The following INSR variants were observed in gnomAD, a reference collection of about 807,000 sequenced individuals.
INSR encodes IR.
In INSR, 67 loss-of-function variants were observed where a neutral mutation model predicts 142.6. That is an observed-to-expected ratio of 0.47 (90% CI 0.39 to 0.58). The LOEUF (loss-of-function observed/expected upper bound fraction) is 0.58. INSR is among the 20% of genes least tolerant of loss of function. The probability of loss-of-function intolerance (pLI) is 0.00; values close to 1 mark genes in which losing one functional copy is unlikely to be tolerated. For missense variants in INSR, 1,248 were observed against 1,833.2 expected (o/e 0.68, Z 5.83); for synonymous variants, 756 against 743.1 (o/e 1.02, Z -0.28).
At chr19:7,152,533 T>C (rs1360793732) in intron 10 of INSR, 193 bp downstream of exon 10, 66 of 663,058 alleles carry the variant, frequency 1.0e-4, no homozygotes, top group Non-Finnish European at 1.8e-4. Flanking sequence ...TTATTTGCTC[T>C]TCCTGATAAA....
At chr19:7,133,706 T>G (rs1972839599) in intron 13 of INSR, among the ~76,000 whole-genome samples, 2 of 152,032 alleles carry the variant, frequency 1.3e-5, no homozygotes, top group African/African-American at 4.8e-5. Flanking sequence ...CTACCCAAAA[T>G]ACAAAAATTA....
intron 2 of INSR, among the ~76,000 whole-genome samples, chr19:7,220,424 G>C (rs565013895): frequency 1.3e-5 from 2 of 152,284 alleles, no homozygotes; most frequent in South Asian, 4.1e-4. Context: ...CCGAGGAGCT[G>C]GGGCTACAGG....
chr19:7,172,098 G>C (rs1326027092), intron 5 of INSR, among the ~76,000 whole-genome samples, 192 bp downstream of exon 5: 1 of 151,908 alleles, frequency 6.6e-6, no homozygotes, highest in African/African-American at 2.4e-5. Context: ...TTTTAGTAGA[G>C]ACAGGGTTTC....
chr19:7,287,221 G>A (rs1382469494), intron 1 of INSR, among the ~76,000 whole-genome samples: 9 of 146,196 alleles, frequency 6.2e-5, no homozygotes, highest in South Asian at 2.2e-4. Flanking sequence ...GTGCAGTGGC[G>A]CAATCTCGGC....
intron 3 of INSR, among the ~76,000 whole-genome samples, chr19:7,177,068 C>T (rs983732643): frequency 2.6e-5 from 4 of 152,198 alleles, no homozygotes; most frequent in Non-Finnish European, 4.4e-5. Context: ...TGCCATCAAA[C>T]TCACAGCCCC....
chr19:7,263,236 A>AG, intron 2 of INSR, among the ~76,000 whole-genome samples: 1 of 151,956 alleles, frequency 6.6e-6, no homozygotes, highest in Admixed American at 6.6e-5. Context: ...CTGAGATCAC[A>AG]CCACTGCCCC....
chr19:7,221,564 C>T (rs1343338607), intron 2 of INSR, among the ~76,000 whole-genome samples: 3 of 152,078 alleles, frequency 2.0e-5, no homozygotes, highest in Admixed American at 6.6e-5. Context: ...AAAAATGAGC[C>T]GGTTGTGGTG....
chr19:7,175,252 G>A (rs902890500), intron 3 of INSR, among the ~76,000 whole-genome samples: 2 of 152,126 alleles, frequency 1.3e-5, no homozygotes, highest in African/African-American at 4.8e-5. Flanking sequence ...GGTGGCTCCT[G>A]CCTGTCATTC....
intron 3 of INSR, among the ~76,000 whole-genome samples, chr19:7,181,736 AT>A (rs1031303409): frequency 1.3e-5 from 2 of 148,670 alleles, no homozygotes; most frequent in Non-Finnish European, 1.5e-5. Flanking sequence ...TGCCCAGCTA[AT>A]TTTTTTTTTG....
At chr19:7,204,941 G>A (rs533527016) in intron 2 of INSR, among the ~76,000 whole-genome samples, 12 of 152,284 alleles carry the variant, frequency 7.9e-5, no homozygotes, top group African/African-American at 2.9e-4. Context: ...AAAATTAGCC[G>A]GGCATGGTGG....
chr19:7,259,430 G>T (rs1473195491), intron 2 of INSR, among the ~76,000 whole-genome samples: 1 of 152,120 alleles, frequency 6.6e-6, no homozygotes, highest in Non-Finnish European at 1.5e-5. Context: ...AAATAAGATT[G>T]TTGGGAAGAT....
intron 21 of INSR, among the ~76,000 whole-genome samples, chr19:7,118,322 C>G (rs1972388231): frequency 6.6e-6 from 1 of 151,436 alleles, no homozygotes; most frequent in African/African-American, 2.4e-5. Context: ...TTTTGTGTGT[C>G]TGTGTTTGTT....
chr19:7,200,016 C>T (rs989983546), intron 2 of INSR, among the ~76,000 whole-genome samples: 4 of 152,016 alleles, frequency 2.6e-5, no homozygotes, highest in African/African-American at 7.2e-5. Context: ...GTGAATCACT[C>T]GGGCTATGTT....
intron 2 of INSR, among the ~76,000 whole-genome samples, chr19:7,231,054 T>C (rs1271581542): frequency 6.6e-6 from 1 of 152,168 alleles, no homozygotes; most frequent in Non-Finnish European, 1.5e-5. Context: ...GCCAACTCCC[T>C]TGGCCAGAGC....
At chr19:7,151,164 CTTTCTTTCTTTCTTT>C (rs1973338555) in intron 10 of INSR, among the ~76,000 whole-genome samples, 1 of 5,052 alleles carries the variant, frequency 2.0e-4, no homozygotes, top group African/African-American at 3.1e-4. Context: ...CTTTCTTTCT[CTTTCTTTCTTTCTTT>C]CTTTCTTTCT....
chr19:7,275,169 T>C (rs1968028803), intron 1 of INSR, among the ~76,000 whole-genome samples: 1 of 151,928 alleles, frequency 6.6e-6, no homozygotes, highest in Admixed American at 6.6e-5. Flanking sequence ...GAGACAAGGT[T>C]TCACCATGTT....
At chr19:7,155,823 A>T (rs1973575704) in intron 9 of INSR, among the ~76,000 whole-genome samples, 1 of 151,438 alleles carries the variant, frequency 6.6e-6, no homozygotes, top group Non-Finnish European at 1.5e-5. Context: ...CTGAGGTAGG[A>T]GGATTGCTTG....
chr19:7,292,440 T>C (rs928470950), intron 1 of INSR, among the ~76,000 whole-genome samples: 10 of 136,230 alleles, frequency 7.3e-5, no homozygotes, highest in African/African-American at 1.3e-4. Context: ...ATTGAGCACC[T>C]ACTGTCTCCC....
At chr19:7,179,474 C>T (rs898029662) in intron 3 of INSR, among the ~76,000 whole-genome samples, 12 of 152,220 alleles carry the variant, frequency 7.9e-5, no homozygotes, top group Non-Finnish European at 1.8e-4. Context: ...GAGGCAGAAA[C>T]AAAATACTGA....
Sources: gnomAD v4.1 joint callset for allele counts (sites outside exome capture counted in the v4.1 genomes callset) on GRCh38, gnomAD v4.1.1 for gene constraint, MANE v1.5 for transcripts, NCBI Gene and HGNC (gene_info 2026-07-23, HGNC 2026-07-21) for gene names.